HS3ST4: variants seen among roughly 807,000 people sequenced by gnomAD.
HS3ST4 encodes heparan sulfate glucosamine 3-O-sulfotransferase 4.
Under a neutral mutation model 29.2 loss-of-function variants are expected in HS3ST4, and 17 were observed. The ratio of observed to expected loss-of-function variants is 0.58; its 90% CI spans 0.40 to 0.87. The LOEUF is 0.87. Ranked by LOEUF, HS3ST4 falls within the 40% of genes least tolerant of loss-of-function variation. The probability of loss-of-function intolerance (pLI) is 0.00; values close to 1 mark genes in which losing one functional copy is unlikely to be tolerated. For synonymous variants in HS3ST4, 314 were observed against 285.7 expected (o/e 1.10, Z -1.00); for missense variants, 627 against 634.5 (o/e 0.99, Z 0.13).
chr16:25,692,305 AGCGGCGGCG>A lies in HS3ST4; in HGVS notation c.-87_-79del, dbSNP rs533546276. 5.9e-3 allele frequency: 870 copies of A among 146,366 alleles called. 1 individual carries two copies. The highest frequency in any genetic ancestry group is 0.02 in the African/African-American group (739 of 36,316). The allele number at this position is 146,366 out of a possible 1,614,324, so 9.1% of individuals were successfully genotyped here. On this transcript the variant is annotated 5_prime_UTR_variant, in exon 1 of 2. Coordinates refer to ENST00000331351, the MANE Select transcript of HS3ST4 (RefSeq NM_006040.3). Reference sequence around the variant, plus strand: ...CTTCATGCAGCCGGGGCGGCTGGGCAGCGGCGGCGGCGGCGGCGGCGGCGGCGGCGGCGG... The same window carrying A: ...CTTCATGCAGCCGGGGCGGCTGGGCAGCGGCGGCGGCGGCGGCGGCGGCGG...
intron 1 of HS3ST4, among the ~76,000 whole-genome samples, chr16:25,892,047 T>C (rs768575233): frequency 1.3e-5 from 2 of 152,168 alleles, no homozygotes; most frequent in African/African-American, 4.8e-5. Context: ...TTTACTATTA[T>C]TATCATCATC....
intron 1 of HS3ST4, among the ~76,000 whole-genome samples, chr16:25,726,610 T>C (rs1170073932): frequency 7.8e-6 from 1 of 128,514 alleles, no homozygotes; most frequent in Non-Finnish European, 1.7e-5. Context: ...ATTTACACTC[T>C]TGCCAGCTTT....
intron 1 of HS3ST4, among the ~76,000 whole-genome samples, chr16:25,919,233 G>T (rs1343988858): frequency 1.3e-5 from 2 of 152,084 alleles, no homozygotes; most frequent in Non-Finnish European, 2.9e-5. Flanking sequence ...GTCTTGCTAA[G>T]TTGCCAGGGC....
intron 1 of HS3ST4, among the ~76,000 whole-genome samples, chr16:25,864,426 CAG>C (rs1374236726): frequency 3.3e-5 from 5 of 151,996 alleles, no homozygotes; most frequent in Admixed American, 6.6e-5. Flanking sequence ...AGTGACCAAA[CAG>C]AAATTATTTT....
chr16:25,935,430 G>A (rs1045694832), intron 1 of HS3ST4, among the ~76,000 whole-genome samples: 2 of 152,146 alleles, frequency 1.3e-5, no homozygotes, highest in African/African-American at 4.8e-5. Flanking sequence ...GCATCACACA[G>A]AGTATTTTCA....
chr16:25,944,841 A>C (rs1335759789), intron 1 of HS3ST4, among the ~76,000 whole-genome samples: 1 of 152,216 alleles, frequency 6.6e-6, no homozygotes, highest in African/African-American at 2.4e-5. Context: ...AGCCTCAGCC[A>C]GGCGTCTGGA....
intron 1 of HS3ST4, among the ~76,000 whole-genome samples, chr16:25,940,787 G>C (rs570223042): frequency 6.6e-6 from 1 of 152,328 alleles, no homozygotes; most frequent in South Asian, 2.1e-4. Flanking sequence ...CATTCAGAGT[G>C]AACATAAAAC....
intron 1 of HS3ST4, among the ~76,000 whole-genome samples, chr16:26,031,258 C>T (rs72780024): frequency 0.045 from 6,779 of 151,918 alleles, 168 homozygotes; most frequent in Middle Eastern, 0.15. Context: ...CACAGGGCCC[C>T]GCCACTCCCC....
intron 1 of HS3ST4, among the ~76,000 whole-genome samples, chr16:26,011,228 A>T (rs1232869957): frequency 6.6e-6 from 1 of 152,204 alleles, no homozygotes; most frequent in East Asian, 1.9e-4. Flanking sequence ...ACTGATGGGG[A>T]TTATGGCAAA....
intron 1 of HS3ST4, among the ~76,000 whole-genome samples, chr16:26,041,902 C>G (rs1969639236): frequency 6.6e-6 from 1 of 152,160 alleles, no homozygotes; most frequent in South Asian, 2.1e-4. Context: ...CTTAAGAATC[C>G]TTGCCCGATC....
In HS3ST4 at chr16:25,976,143, A is replaced by G. The variant is rs1968941078; in HGVS notation, c.735-159469A>G. ...CCCTCAACAGCAATGAATTTTAAAC[A>G]TTTGTCCAGTATTAATTAGGTTAAA... On this transcript the variant is annotated intron_variant, in intron 1 of 1. Coordinates refer to ENST00000331351, the MANE Select transcript of HS3ST4 (RefSeq NM_006040.3). 2.0e-5 allele frequency among the ~76,000 whole-genome samples: 3 copies of G among 152,178 alleles called. No individual in the cohort carries two copies. In the South Asian group the frequency reaches 6.2e-4, roughly 32 times the overall value.
At chr16:26,075,084 G>C (rs146678840) in intron 1 of HS3ST4, among the ~76,000 whole-genome samples, 1 of 152,056 alleles carries the variant, frequency 6.6e-6, no homozygotes. Context: ...TCCCAGCTAC[G>C]CAGGAGGCTG....
At chr16:25,929,009 C>T (rs1414295202) in intron 1 of HS3ST4, among the ~76,000 whole-genome samples, 1 of 152,036 alleles carries the variant, frequency 6.6e-6, no homozygotes, top group Non-Finnish European at 1.5e-5. Context: ...CAAGAGTGAA[C>T]ATAGGAAACA....
intron 1 of HS3ST4, among the ~76,000 whole-genome samples, chr16:26,084,546 A>G (rs1898761710): frequency 6.6e-6 from 1 of 152,134 alleles, no homozygotes; most frequent in Admixed American, 6.5e-5. Flanking sequence ...CTGAACAGTG[A>G]TCATGCGTCT....
intron 1 of HS3ST4, among the ~76,000 whole-genome samples, chr16:25,754,671 G>A (rs1031145618): frequency 6.6e-6 from 1 of 152,080 alleles, no homozygotes; most frequent in African/African-American, 2.4e-5. Context: ...CCAGTGAAGG[G>A]GAAAGCCCCT....
At chr16:25,738,278 C>T (rs1966625557) in intron 1 of HS3ST4, among the ~76,000 whole-genome samples, 1 of 152,108 alleles carries the variant, frequency 6.6e-6, no homozygotes, top group Non-Finnish European at 1.5e-5. Flanking sequence ...GGTGTGGAGA[C>T]CTAGTAAACC....
chr16:25,847,018 T>G (rs1296143492), intron 1 of HS3ST4, among the ~76,000 whole-genome samples: 1 of 152,040 alleles, frequency 6.6e-6, no homozygotes, highest in Non-Finnish European at 1.5e-5. Flanking sequence ...CACGAGTTTT[T>G]TTTTTTTTTT....
chr16:26,049,953 G>A (rs145117523), intron 1 of HS3ST4, among the ~76,000 whole-genome samples: 175 of 152,248 alleles, frequency 1.1e-3, no homozygotes, highest in African/African-American at 4.0e-3. Context: ...TGGGTGCACC[G>A]TCCTCCAGGA....
intron 1 of HS3ST4, among the ~76,000 whole-genome samples, chr16:25,950,415 T>C (rs1430283195): frequency 6.6e-6 from 1 of 152,108 alleles, no homozygotes; most frequent in Admixed American, 6.5e-5. Flanking sequence ...ACTCAGGCAA[T>C]GTTGATTATT....
Sources: gnomAD v4.1 joint callset for allele counts (sites outside exome capture counted in the v4.1 genomes callset) on GRCh38, gnomAD v4.1.1 for gene constraint, MANE v1.5 for transcripts, NCBI Gene and HGNC (gene_info 2026-07-23, HGNC 2026-07-21) for gene names.